HGS: variants seen among roughly 807,000 people sequenced by gnomAD.
The protein encoded by HGS is human growth factor-regulated tyrosine kinase substrate.
Under a neutral mutation model 109.7 loss-of-function variants are expected in HGS, and 63 were observed. That is an observed-to-expected ratio of 0.57 (90% CI 0.47 to 0.71). The LOEUF (loss-of-function observed/expected upper bound fraction) is 0.71, where lower values mean the gene tolerates loss of function less well. HGS is among the 30% of genes least tolerant of loss of function. HGS has a pLI of 0.00. For missense variants in HGS, 995 were observed against 1,068.3 expected (o/e 0.93, Z 0.96); for synonymous variants, 546 against 437.3 (o/e 1.25, Z -3.10).
chr17:81,700,696 A>G lies in HGS; in HGVS notation c.2018A>G (p.Asn673Ser), dbSNP rs750002655. 2.5e-6 allele frequency: 4 copies of G among 1,608,778 alleles called. No homozygotes were observed. The highest frequency in any genetic ancestry group is 3.4e-6 in the Non-Finnish European group (4 of 1,178,274). The change falls in exon 20 of 22, where the codon AAC (asparagine) becomes AGC (serine). Residue 673 changes from asparagine to serine, a missense_variant and splice_region_variant. Asn to Ser is a conservative substitution (Grantham distance 46, BLOSUM62 1). Transcript: ENST00000329138. ...YQPTPTAGYQ[N>S]VASQAPQSLP... ...CCATGGCACTCATTCCCTCCGCAGAACGTGGCCTCCCAGGCCCCACAGAGC... is the reference window on the plus strand; with the variant it reads ...CCATGGCACTCATTCCCTCCGCAGAGCGTGGCCTCCCAGGCCCCACAGAGC...
intron 14 of HGS, 75 bp from the exon 15 acceptor site, chr17:81,695,711 C>A: frequency 7.5e-7 from 1 of 1,340,868 alleles, no homozygotes; most frequent in Non-Finnish European, 1.1e-6. Context: ...TAGCTGGGTG[C>A]CTCCATCCCA....
intron 4 of HGS, among the ~76,000 whole-genome samples, chr17:81,687,457 G>C (rs1349483544): frequency 6.6e-6 from 1 of 152,180 alleles, no homozygotes; most frequent in Non-Finnish European, 1.5e-5. Flanking sequence ...GCTATCGTGT[G>C]TGAGAGTGGC....
intron 15 of HGS, 176 bp from the exon 16 acceptor site, chr17:81,696,181 C>T (rs1240135761): frequency 1.1e-6 from 1 of 924,168 alleles, no homozygotes; most frequent in Non-Finnish European, 1.6e-6. Context: ...CCCTGCCCTG[C>T]CCTGCCCTGC....
Position 81,693,645 on chromosome 17 carries a change from T to C in HGS, c.742-9T>C, listed in dbSNP as rs1370163325. 7.8e-6 allele frequency: 12 copies of C among 1,545,424 alleles called. No homozygotes were observed. The highest frequency in any genetic ancestry group is 1.1e-5 in the Non-Finnish European group (12 of 1,141,742). The stretch of plus-strand genomic sequence containing the variant: ...GGCGCCCCCCCTCACCCTCCCCGCT[T>C]GTCCTCAGCTGCCCCCCAAGAGGGA... On this transcript the variant is annotated splice_polypyrimidine_tract_variant and intron_variant, in intron 9 of 21. Transcript: ENST00000329138.
intron 6 of HGS, 182 bp downstream of exon 6, chr17:81,690,416 G>A (rs1210765086): frequency 5.4e-5 from 37 of 688,422 alleles, no homozygotes; most frequent in East Asian, 1.3e-4. Context: ...AGGTGGAGAC[G>A]TGGCTTGAGG....
Position 81,695,676 on chromosome 17 carries a change from A to G in HGS, c.1180-110A>G, listed in dbSNP as rs1422687575. ...AAGGGGCTGCTTGCATAAGGAGCAG[A>G]TGGACTCTGCTCCAGGCTTGAGTAT... On this transcript the variant is annotated intron_variant, in intron 14 of 21. Coordinates refer to ENST00000329138, the MANE Select transcript of HGS (RefSeq NM_004712.5). 3.1e-6 allele frequency: 3 copies of G among 958,862 alleles called. No homozygotes were observed. In the African/African-American group the frequency reaches 4.9e-5, roughly 16 times the overall value. The allele number at this position is 958,862 out of a possible 1,614,324, so 59.4% of individuals were successfully genotyped here.
chr17:81,689,811 T>C (rs977651038), intron 5 of HGS, among the ~76,000 whole-genome samples: 6 of 152,166 alleles, frequency 3.9e-5, no homozygotes, highest in African/African-American at 1.4e-4. Flanking sequence ...CTGGATTTTT[T>C]CTGGGGTCGT....
intron 21 of HGS, 101 bp downstream of exon 21, chr17:81,701,232 G>C (rs56210089): frequency 3.8e-5 from 42 of 1,095,752 alleles, no homozygotes; most frequent in Non-Finnish European, 5.3e-5. Context: ...TGTCCCGTAC[G>C]TCTGCTCACA....
intron 6 of HGS, 43 bp downstream of exon 6, chr17:81,690,277 C>T (rs2037043122): frequency 3.1e-6 from 5 of 1,603,216 alleles, no homozygotes; most frequent in Admixed American, 3.3e-5. Context: ...TCGGGCTGCT[C>T]AGGAAGCGTG....
Position 81,696,727 on chromosome 17 carries a change from T to C in HGS, c.1687T>C (p.Phe563Leu). Residue 563 changes from phenylalanine to leucine, a missense_variant, in exon 17 of 22, where the codon TTC (phenylalanine) becomes CTC (leucine). Physicochemically the swap from Phe to Leu is conservative, Grantham distance 22. Around this residue, in one of 6 missense-constraint regions of HGS, gnomAD observed 326 missense variants for 309.7 expected, o/e 1.05. Coordinates refer to ENST00000329138, the MANE Select transcript of HGS (RefSeq NM_004712.5). ...CCAGATGCGCGCGCAGATGCCCGCCTTCCCCCTGCCCTACGCCCAGGCATG... is the reference window on the plus strand; with the variant it reads ...CCAGATGCGCGCGCAGATGCCCGCCCTCCCCCTGCCCTACGCCCAGGCATG... ...TVQMRAQMPA[F>L]PLPYAQLQAM... is the part of the protein sequence containing the mutation. 2 of 1,607,680 alleles carry C rather than the reference T, an allele frequency of 1.2e-6. No homozygotes were observed. Among genetic ancestry groups the C allele is most frequent in the Non-Finnish European group, 1.7e-6 (2 of 1,176,552 alleles).
At chr17:81,689,309 C>T (rs1212401506) in intron 5 of HGS, among the ~76,000 whole-genome samples, 1 of 152,242 alleles carries the variant, frequency 6.6e-6, no homozygotes, top group Non-Finnish European at 1.5e-5. Flanking sequence ...CGAGGGCCTC[C>T]AGGCTGTTGG....
At chr17:81,696,271 G>A (rs2037145462) in intron 15 of HGS, 86 bp from the exon 16 acceptor site, 2 of 1,423,546 alleles carry the variant, frequency 1.4e-6, no homozygotes, top group Non-Finnish European at 9.3e-7. Flanking sequence ...TTGGGCACAG[G>A]GCGGCCCATC....
rs570839859 is a variant in HGS, at chr17:81,690,526, G to A, written c.469-148G>A. 1.4e-4 allele frequency: 101 copies of A among 726,168 alleles called. No homozygotes were observed. In the African/African-American group the frequency reaches 1.6e-3, roughly 12 times the overall value. 45.0% of individuals were successfully genotyped at this position (726,168 alleles called of 1,614,324 possible). A position where few individuals can be genotyped will look rare whatever the true frequency, so the allele number is the denominator to read the frequency against. On this transcript the variant is annotated intron_variant, in intron 6 of 21. Transcript: ENST00000329138. ...CCTCGGCAGCTTCACCCCAGGCCAC[G>A]CCGCTGGGAAGGGCCGCCCGGGGCA...
At position 81,693,534 on chromosome 17, in the gene HGS, GAGCTGCCCCCCGAGT is replaced by G; in HGVS notation, c.696_710del (p.Glu232_Tyr237delinsAsp). 5.6e-6 allele frequency: 9 copies of G among 1,613,358 alleles called. No homozygotes were observed. The highest frequency in any genetic ancestry group is 7.6e-6 in the Non-Finnish European group (9 of 1,179,778). On this transcript the variant is annotated inframe_deletion, in exon 9 of 22. Transcript: ENST00000329138. ...GGAGGGAAAGGCCACTTCCACCACT[GAGCTGCCCCCCGAGT>G]ACCTGACCAGCCCCCTGTCTCAGCA...
chr17:81,698,763 G>A (rs1272747807), intron 18 of HGS, among the ~76,000 whole-genome samples: 2 of 152,124 alleles, frequency 1.3e-5, no homozygotes, highest in Non-Finnish European at 2.9e-5. Context: ...ATGCGTCTTT[G>A]TATATGATAA....
At chr17:81,684,820 A>G in intron 1 of HGS, 1 of 828,310 alleles carries the variant, frequency 1.2e-6, no homozygotes, top group Non-Finnish European at 1.5e-6. Context: ...TAGGGTTTTC[A>G]AGGAGACTTC....
At position 81,684,014 on chromosome 17, in the gene HGS, C is replaced by T; in HGVS notation, c.-53C>T. 6.4e-7 allele frequency: 1 copy of T among 1,565,998 alleles called. No homozygotes were observed. The highest frequency in any genetic ancestry group is 1.2e-5 in the South Asian group (1 of 86,830). ...GCGGAAGCGGAAGTCGGGGGGCGCGCCAGCTCGTAGCAGGGGAGCGCCCGC... is the reference window on the plus strand; with the variant it reads ...GCGGAAGCGGAAGTCGGGGGGCGCGTCAGCTCGTAGCAGGGGAGCGCCCGC... On this transcript the variant is annotated 5_prime_UTR_variant, in exon 1 of 22. Transcript: ENST00000329138.
chr17:81,688,937 G>C, intron 5 of HGS, 110 bp downstream of exon 5: 2 of 1,438,326 alleles, frequency 1.4e-6, no homozygotes, highest in Non-Finnish European at 1.9e-6. Flanking sequence ...TCCCTGTGTT[G>C]GGAGGGAGGA....
intron 5 of HGS, 25 bp downstream of exon 5, chr17:81,688,852 C>T (rs1236964787): frequency 6.2e-7 from 1 of 1,613,850 alleles, no homozygotes; most frequent in Non-Finnish European, 8.5e-7. Context: ...AGGTTGGGAC[C>T]AGGTTGAGGC....
Sources: allele counts gnomAD v4.1 joint callset (sites outside exome capture counted in the v4.1 genomes callset), GRCh38; gene constraint gnomAD v4.1.1; regional missense constraint gnomAD v4.1.1; transcripts MANE v1.5; gene names NCBI Gene and HGNC (gene_info 2026-07-23, HGNC 2026-07-21).